CDH12: variants seen among roughly 807,000 people sequenced by gnomAD.
CDH12 encodes cadherin 12.
A neutral mutation model predicts 74.1 loss-of-function variants in CDH12; 41 were observed. That is an observed-to-expected ratio of 0.55 (90% CI 0.43 to 0.72). The LOEUF (loss-of-function observed/expected upper bound fraction) is 0.72. Ranked by LOEUF, CDH12 falls within the 30% of genes least tolerant of loss-of-function variation. CDH12 has a pLI of 0.00. For synonymous variants in CDH12, 399 were observed against 355.0 expected, an observed-to-expected ratio of 1.12 and a Z score of -1.39; for missense variants, 945 against 977.2, an observed-to-expected ratio of 0.97 and a Z score of 0.44.
intron 1 of CDH12, among the ~76,000 whole-genome samples, chr5:22,642,185 C>T (rs1739186824): frequency 6.6e-6 from 1 of 152,108 alleles, no homozygotes; most frequent in African/African-American, 2.4e-5. Flanking sequence ...TTCTACTTCC[C>T]CTCATTCATA....
At chr5:22,774,240 G>C (rs1430579651) in intron 1 of CDH12, among the ~76,000 whole-genome samples, 3 of 152,014 alleles carry the variant, frequency 2.0e-5, no homozygotes, top group Non-Finnish European at 4.4e-5. Context: ...GCCTATAAAT[G>C]GTAGTTTCAA....
chr5:22,105,516 G>A (rs969405888), intron 4 of CDH12, among the ~76,000 whole-genome samples: 2 of 151,034 alleles, frequency 1.3e-5, no homozygotes, highest in African/African-American at 4.8e-5. Context: ...TGGCCTACAT[G>A]GTGAAACCCT....
intron 4 of CDH12, among the ~76,000 whole-genome samples, chr5:22,180,197 C>A (rs72742019): frequency 0.13 from 20,221 of 152,146 alleles, 1,440 homozygotes; most frequent in South Asian, 0.17. Context: ...TCGACTGCCT[C>A]ATTTTGCTTT....
At chr5:22,034,994 C>T (rs1402753012) in intron 5 of CDH12, among the ~76,000 whole-genome samples, 3 of 152,078 alleles carry the variant, frequency 2.0e-5, no homozygotes, top group Non-Finnish European at 2.9e-5. Context: ...TTCTCATCAA[C>T]GTTATAATGA....
At chr5:21,793,286 A>C (rs1438135549) in intron 10 of CDH12, among the ~76,000 whole-genome samples, 1 of 151,788 alleles carries the variant, frequency 6.6e-6, no homozygotes, top group African/African-American at 2.4e-5. Flanking sequence ...TGAGAATAGC[A>C]AACAAACTAT....
chr5:22,405,794 A>T (rs1179796507), intron 2 of CDH12, among the ~76,000 whole-genome samples: 1 of 152,206 alleles, frequency 6.6e-6, no homozygotes, highest in African/African-American at 2.4e-5. Context: ...GATCTGTGGC[A>T]GACTTGGTTC....
At chr5:22,455,518 A>C (rs1561417312) in intron 2 of CDH12, among the ~76,000 whole-genome samples, 1 of 151,134 alleles carries the variant, frequency 6.6e-6, no homozygotes. Context: ...TTAAACAGAC[A>C]CTCTAGGTGA....
At chr5:22,534,976 A>ATTT (rs546689277) in intron 1 of CDH12, among the ~76,000 whole-genome samples, 3 of 137,094 alleles carry the variant, frequency 2.2e-5, no homozygotes, top group African/African-American at 8.2e-5. Context: ...TTTCTATTGC[A>ATTT]TTTTTTTTTT....
chr5:22,409,044 T>C (rs1743070137), intron 2 of CDH12, among the ~76,000 whole-genome samples: 1 of 152,056 alleles, frequency 6.6e-6, no homozygotes, highest in South Asian at 2.1e-4. Context: ...CAGAAAATTA[T>C]CTACATATAC....
intron 4 of CDH12, among the ~76,000 whole-genome samples, chr5:22,179,009 A>C (rs760162187): frequency 7.9e-5 from 12 of 152,260 alleles, no homozygotes; most frequent in Non-Finnish European, 1.6e-4. Flanking sequence ...ATATGCACTT[A>C]AAATGCAGTT....
intron 1 of CDH12, among the ~76,000 whole-genome samples, chr5:22,613,391 T>C (rs1432766513): frequency 6.6e-6 from 1 of 152,090 alleles, no homozygotes; most frequent in Non-Finnish European, 1.5e-5. Flanking sequence ...TAAATATTAT[T>C]TTTAGATGAT....
chr5:22,327,052 T>G (rs1039823862), intron 3 of CDH12, among the ~76,000 whole-genome samples: 2 of 152,276 alleles, frequency 1.3e-5, no homozygotes, highest in African/African-American at 4.8e-5. Flanking sequence ...CGTTTCATAG[T>G]GCTTATTTCT....
chr5:22,465,455 G>T (rs1745689174), intron 2 of CDH12, among the ~76,000 whole-genome samples: 1 of 152,120 alleles, frequency 6.6e-6, no homozygotes, highest in Non-Finnish European at 1.5e-5. Context: ...AAACCAGCCT[G>T]GGTAACATAG....
intron 3 of CDH12, among the ~76,000 whole-genome samples, chr5:22,313,328 A>C (rs1738469656): frequency 6.6e-6 from 1 of 152,188 alleles, no homozygotes; most frequent in African/African-American, 2.4e-5. Context: ...AAGTCAAATG[A>C]GGAAAAAAAA....
chr5:22,583,709 G>A (rs1740224570), intron 1 of CDH12, among the ~76,000 whole-genome samples: 2 of 152,142 alleles, frequency 1.3e-5, no homozygotes, highest in Admixed American at 6.5e-5. Context: ...AGATCTGGGG[G>A]ATATTGAATC....
intron 1 of CDH12, among the ~76,000 whole-genome samples, chr5:22,600,017 T>C (rs906045847): frequency 2.3e-4 from 35 of 152,114 alleles, no homozygotes; most frequent in Admixed American, 3.9e-4. Context: ...TAAAATATTA[T>C]TCACAGATTG....
chr5:21,838,393 C>G (rs1438858048), intron 8 of CDH12, among the ~76,000 whole-genome samples: 2 of 152,062 alleles, frequency 1.3e-5, no homozygotes, highest in Non-Finnish European at 2.9e-5. Flanking sequence ...AACCCCGTCT[C>G]TAATAAAAAT....
chr5:21,912,508 T>G, intron 6 of CDH12, among the ~76,000 whole-genome samples: 1 of 152,102 alleles, frequency 6.6e-6, no homozygotes, highest in East Asian at 1.9e-4. Flanking sequence ...TGTCAGCCAC[T>G]AAGGAGAGGT....
intron 1 of CDH12, among the ~76,000 whole-genome samples, chr5:22,768,098 T>C (rs73745207): frequency 0.012 from 1,760 of 152,140 alleles, 37 homozygotes; most frequent in African/African-American, 0.04. Context: ...TAGAATATAG[T>C]ACAGAAAGAT....
Sources: allele counts gnomAD v4.1 joint callset (sites outside exome capture counted in the v4.1 genomes callset), GRCh38; gene constraint gnomAD v4.1.1; transcripts MANE v1.5; gene names NCBI Gene and HGNC (gene_info 2026-07-23, HGNC 2026-07-21).